COQ3: variants seen among roughly 807,000 people sequenced by gnomAD.
COQ3 encodes coenzyme Q3, methyltransferase.
COQ3 carries 29 observed loss-of-function variants against 33.1 expected under a neutral mutation model. That is an observed-to-expected ratio of 0.88 (90% CI 0.65 to 1.19). The LOEUF is 1.19. Ranked by LOEUF, COQ3 falls within the 50% of genes most tolerant of loss-of-function variation. The pLI is 0.00. For synonymous variants in COQ3, 173 were observed against 157.8 expected, an observed-to-expected ratio of 1.10 and a Z score of -0.72; for missense variants, 437 against 430.7, an observed-to-expected ratio of 1.01 and a Z score of -0.13.
At chr6:99,391,255 T>C (rs982758729) in intron 1 of COQ3, among the ~76,000 whole-genome samples, 12 of 151,092 alleles carry the variant, frequency 7.9e-5, no homozygotes, top group Non-Finnish European at 1.5e-4. Context: ...CACACCACCA[T>C]GCCTGGCTAA....
intron 2 of COQ3, chr6:99,383,195 TA>T (rs1774522593): frequency 6.6e-6 from 1 of 152,206 alleles, no homozygotes; most frequent in African/African-American, 2.4e-5. Flanking sequence ...TTCACAAGGT[TA>T]AAAGTTGGCT....
chr6:99,387,590 A>G (rs920115316), intron 1 of COQ3, among the ~76,000 whole-genome samples: 4 of 152,196 alleles, frequency 2.6e-5, no homozygotes, highest in African/African-American at 9.6e-5. Flanking sequence ...TGAAAGGGAA[A>G]TTATCTTACA....
intron 6 of COQ3, among the ~76,000 whole-genome samples, chr6:99,370,134 G>A (rs1774086398): frequency 6.6e-6 from 1 of 152,052 alleles, no homozygotes; most frequent in African/African-American, 2.4e-5. Flanking sequence ...ATAAATCTCA[G>A]TTTTCTTACA....
intron 1 of COQ3, among the ~76,000 whole-genome samples, chr6:99,386,481 A>C (rs1227581604): frequency 6.6e-6 from 1 of 152,180 alleles, no homozygotes; most frequent in Non-Finnish European, 1.5e-5. Context: ...ATGACATTGT[A>C]AACAAAACAA....
At chr6:99,377,349 T>C (rs1383401097) in intron 4 of COQ3, 37 bp downstream of exon 4, 19 of 1,396,314 alleles carry the variant, frequency 1.4e-5, no homozygotes, top group Non-Finnish European at 1.8e-5. Flanking sequence ...TTAATTTTTT[T>C]CTCCCAGTTA....
intron 3 of COQ3, among the ~76,000 whole-genome samples, chr6:99,378,948 C>CTT (rs144759090): frequency 3.4e-4 from 49 of 142,686 alleles, no homozygotes; most frequent in Non-Finnish European, 4.3e-4. Flanking sequence ...CAATTTCTTT[C>CTT]TTTTTTTTTT....
At chr6:99,390,266 A>G (rs1254128608) in intron 1 of COQ3, among the ~76,000 whole-genome samples, 1 of 151,950 alleles carries the variant, frequency 6.6e-6, no homozygotes, top group African/African-American at 2.4e-5. Flanking sequence ...CCAATTTACT[A>G]TCCTATCGGT....
At chr6:99,372,578 C>T (rs574988067) in intron 5 of COQ3, among the ~76,000 whole-genome samples, 140 of 152,000 alleles carry the variant, frequency 9.2e-4, no homozygotes, top group African/African-American at 3.2e-3. Flanking sequence ...CCACCACGCC[C>T]GGCTAATGTT....
At chr6:99,383,550 T>C (rs996749597) in intron 2 of COQ3, 148 bp downstream of exon 2, 2 of 529,498 alleles carry the variant, frequency 3.8e-6, no homozygotes, top group Non-Finnish European at 6.2e-6. Context: ...TGTTAGAAAA[T>C]AAATTAGTTG....
intron 5 of COQ3, among the ~76,000 whole-genome samples, chr6:99,374,038 C>T (rs1268529463): frequency 3.6e-5 from 5 of 137,118 alleles, no homozygotes; most frequent in African/African-American, 1.4e-4. Flanking sequence ...AAAACTGTCA[C>T]AGATTAAAGA....
At chr6:99,381,925 C>CA (rs57680059) in intron 2 of COQ3, among the ~76,000 whole-genome samples, 39,592 of 121,440 alleles carry the variant, frequency 0.33, 5,895 homozygotes, top group East Asian at 0.42. Context: ...GACTCTGTCT[C>CA]AAAAAAAAAA....
At chr6:99,373,077 T>G (rs1774187095) in intron 5 of COQ3, among the ~76,000 whole-genome samples, 1 of 152,176 alleles carries the variant, frequency 6.6e-6, no homozygotes, top group South Asian at 2.1e-4. Context: ...TTCTAAAATA[T>G]CTTTTTTTCC....
At chr6:99,385,976 C>CAAAAAAAGAAA (rs1774638447) in intron 1 of COQ3, among the ~76,000 whole-genome samples, 1 of 97,744 alleles carries the variant, frequency 1.0e-5, no homozygotes, top group African/African-American at 4.1e-5. Context: ...GACTCTGTCT[C>CAAAAAAAGAAA]AAAAAAAAAA....
At chr6:99,378,686 CAG>C (rs1416343286) in intron 3 of COQ3, among the ~76,000 whole-genome samples, 1 of 152,106 alleles carries the variant, frequency 6.6e-6, no homozygotes, top group Non-Finnish European at 1.5e-5. Flanking sequence ...TGTCACTGTC[CAG>C]GGCCTACACT....
Position 99,369,618 on chromosome 6 carries a change from A to G in COQ3, c.1092T>C (p.His364=), listed in dbSNP as rs2128469268. 1 of 1,613,366 alleles carries G rather than the reference A, an allele frequency of 6.2e-7. No individual in the cohort carries two copies. Among genetic ancestry groups the G allele is most frequent in the Non-Finnish European group, 8.5e-7 (1 of 1,179,476 alleles). Residue 364 remains histidine (H), a synonymous_variant, in exon 7 of 7, where the codon CAT becomes CAC. Coordinates refer to ENST00000254759, the MANE Select transcript of COQ3 (RefSeq NM_017421.4). The part of the protein sequence containing the change: ...QANACTNPAV[H]EKLKK ...AAACAATTCATTTCTTCAGCTTTTCATGCACAGCTGGATTGGTGCAGGCAT... is the reference window on the plus strand; with the variant it reads ...AAACAATTCATTTCTTCAGCTTTTCGTGCACAGCTGGATTGGTGCAGGCAT...
At chr6:99,371,981 C>T (rs1033554527) in intron 5 of COQ3, among the ~76,000 whole-genome samples, 1 of 152,224 alleles carries the variant, frequency 6.6e-6, no homozygotes, top group Non-Finnish European at 1.5e-5. Flanking sequence ...CTGAGCCTGT[C>T]TTAACTCGTT....
Position 99,376,201 on chromosome 6 carries a change from CT to C in COQ3, c.487-20del, listed in dbSNP as rs749208605. 2.1e-5 allele frequency: 34 copies of C among 1,607,990 alleles called. No individual in the cohort carries two copies. Among genetic ancestry groups the C allele is most frequent in the Non-Finnish European group, 2.7e-5 (32 of 1,177,634 alleles). On this transcript the variant is annotated intron_variant, in intron 4 of 6. Transcript: ENST00000254759. ...CTAGAGGCTAATGGCATTAAAAAAA[CT>C]GTTACCCTCAGGAAGAAAATAGAGC...
At chr6:99,380,090 G>T in intron 3 of COQ3, 99 bp downstream of exon 3, 1 of 1,091,370 alleles carries the variant, frequency 9.2e-7, no homozygotes, top group Non-Finnish European at 1.3e-6. Flanking sequence ...TTAATGTGCA[G>T]CATTTTTTAA....
chr6:99,376,133 T>C lies in COQ3; in HGVS notation c.536A>G (p.Glu179Gly). The C allele has an allele frequency of 6.2e-7, 1 of 1,614,140 alleles. No homozygotes were observed. Among genetic ancestry groups the C allele is most frequent in the Non-Finnish European group, 8.5e-7 (1 of 1,180,016 alleles). Residue 179 changes from glutamate (E) to glycine (G), a missense_variant, in exon 5 of 7, where the codon GAG becomes GGG. Glu to Gly is a moderately conservative substitution (Grantham distance 98). Coordinates refer to ENST00000254759, the MANE Select transcript of COQ3 (RefSeq NM_017421.4). ...ASVIGIDPVD[E>G]NIKTAQCHKS... The stretch of plus-strand genomic sequence containing the variant: ...ATGGCATTGTGCTGTTTTAATGTTC[T>C]CATCCACAGGGTCGATTCCAATAAC...
Sources: gnomAD v4.1 joint callset for allele counts (sites outside exome capture counted in the v4.1 genomes callset) on GRCh38, gnomAD v4.1.1 for gene constraint, MANE v1.5 for transcripts, NCBI Gene and HGNC (gene_info 2026-07-23, HGNC 2026-07-21) for gene names.